PDZRN4: variants seen among roughly 807,000 people sequenced by gnomAD.
PDZRN4 encodes PDZ domain containing ring finger 4.
PDZRN4 carries 70 observed loss-of-function variants against 99.0 expected under a neutral mutation model. The ratio of observed to expected loss-of-function variants is 0.71; its 90% confidence interval spans 0.58 to 0.86. The LOEUF (loss-of-function observed/expected upper bound fraction) is 0.86. Ranked by LOEUF, PDZRN4 falls within the 40% of genes least tolerant of loss-of-function variation. The pLI, the probability that PDZRN4 is intolerant of heterozygous loss-of-function variation, is 0.00. For missense variants in PDZRN4, 1,474 were observed against 1,331.2 expected (o/e 1.11, Z -1.67); for synonymous variants, 551 against 501.6 (o/e 1.10, Z -1.32).
chr12:41,209,558 C>T (rs1261527472), intron 3 of PDZRN4, among the ~76,000 whole-genome samples: 3 of 143,550 alleles, frequency 2.1e-5, no homozygotes, highest in African/African-American at 7.7e-5. Context: ...CATGTGTTCT[C>T]ATTGTTCAAT....
intron 3 of PDZRN4, among the ~76,000 whole-genome samples, chr12:41,287,952 T>C (rs1414401985): frequency 2.6e-5 from 4 of 152,190 alleles, no homozygotes; most frequent in Non-Finnish European, 5.9e-5. Flanking sequence ...ATGCTAGTTG[T>C]GACTTAGGAT....
chr12:41,572,883 T>C lies in PDZRN4; in HGVS notation c.2104T>C (p.Leu702=). 6.2e-7 allele frequency: 1 copy of C among 1,614,078 alleles called. No homozygotes were observed. Among genetic ancestry groups the C allele is most frequent in the Non-Finnish European group, 8.5e-7 (1 of 1,180,004 alleles). The part of the protein sequence containing the change: ...VTDQYGDIWT[L]HDGGFRNYNT... Reference sequence around the variant, plus strand: ...AGACCAGTATGGAGACATCTGGACATTGCATGATGGAGGATTCCGGAATTA... The same window carrying C: ...AGACCAGTATGGAGACATCTGGACACTGCATGATGGAGGATTCCGGAATTA... The change falls in exon 10 of 10, where the codon TTG becomes CTG. Residue 702 remains leucine (L), a synonymous_variant. Coordinates refer to ENST00000402685, the MANE Select transcript of PDZRN4 (RefSeq NM_001164595.2).
chr12:41,323,495 G>A (rs958228394), intron 3 of PDZRN4, among the ~76,000 whole-genome samples: 1 of 152,012 alleles, frequency 6.6e-6, no homozygotes, highest in Admixed American at 6.5e-5. Flanking sequence ...AGCAGAAGAT[G>A]AAAAAGTAAT....
At chr12:41,512,440 T>G (rs1026948476) in intron 5 of PDZRN4, among the ~76,000 whole-genome samples, 2 of 152,026 alleles carry the variant, frequency 1.3e-5, no homozygotes, top group Non-Finnish European at 2.9e-5. Context: ...ATAAGAGATC[T>G]AGCCATGTGA....
chr12:41,282,074 T>A (rs1951389276), intron 3 of PDZRN4, among the ~76,000 whole-genome samples: 1 of 152,150 alleles, frequency 6.6e-6, no homozygotes, highest in African/African-American at 2.4e-5. Context: ...AGGCAAAGAC[T>A]GGCAAATTCG....
intron 3 of PDZRN4, among the ~76,000 whole-genome samples, chr12:41,285,022 T>C (rs1951413247): frequency 6.6e-6 from 1 of 151,966 alleles, no homozygotes; most frequent in Non-Finnish European, 1.5e-5. Context: ...GTAATTAAAC[T>C]AAAGAGCTTC....
intron 5 of PDZRN4, among the ~76,000 whole-genome samples, chr12:41,515,351 G>A (rs954061634): frequency 2.0e-5 from 3 of 151,836 alleles, no homozygotes; most frequent in African/African-American, 4.8e-5. Context: ...CTTTTCTTCC[G>A]CTTGTTAGTC....
chr12:41,418,809 A>C (rs1443376674), intron 3 of PDZRN4, among the ~76,000 whole-genome samples: 2 of 152,164 alleles, frequency 1.3e-5, no homozygotes, highest in African/African-American at 4.8e-5. Flanking sequence ...TGGCTGGAGA[A>C]GAATCGTTGG....
At chr12:41,468,371 T>C (rs1952950297) in intron 3 of PDZRN4, among the ~76,000 whole-genome samples, 1 of 152,210 alleles carries the variant, frequency 6.6e-6, no homozygotes, top group African/African-American at 2.4e-5. Context: ...TAGGAGGGAA[T>C]GTTTTCCCTT....
At chr12:41,415,535 T>G (rs1952437509) in intron 3 of PDZRN4, among the ~76,000 whole-genome samples, 1 of 152,098 alleles carries the variant, frequency 6.6e-6, no homozygotes, top group Non-Finnish European at 1.5e-5. Flanking sequence ...ATATTGACCC[T>G]GTCAAATTTC....
intron 3 of PDZRN4, among the ~76,000 whole-genome samples, chr12:41,441,971 G>A (rs1952684096): frequency 6.6e-6 from 1 of 152,080 alleles, no homozygotes; most frequent in Non-Finnish European, 1.5e-5. Flanking sequence ...GATACCGTAA[G>A]AATTTTCCCT....
chr12:41,217,687 A>G (rs937679374), intron 3 of PDZRN4, among the ~76,000 whole-genome samples: 2 of 151,984 alleles, frequency 1.3e-5, no homozygotes, highest in African/African-American at 4.8e-5. Flanking sequence ...TCTCTTCTCT[A>G]CCACAGCCTC....
At chr12:41,534,444 C>A (rs1002547670) in intron 5 of PDZRN4, among the ~76,000 whole-genome samples, 3 of 152,106 alleles carry the variant, frequency 2.0e-5, no homozygotes, top group Non-Finnish European at 4.4e-5. Flanking sequence ...CCCCCTTCCC[C>A]CTTCCCCTCA....
intron 3 of PDZRN4, among the ~76,000 whole-genome samples, chr12:41,194,694 T>C (rs769693984): frequency 6.6e-6 from 1 of 152,168 alleles, no homozygotes; most frequent in Non-Finnish European, 1.5e-5. Flanking sequence ...TCGTTAGATA[T>C]TGTGATGAAA....
At chr12:41,476,923 G>A (rs761936874) in intron 3 of PDZRN4, among the ~76,000 whole-genome samples, 15 of 152,122 alleles carry the variant, frequency 9.9e-5, no homozygotes, top group Non-Finnish European at 1.5e-4. Flanking sequence ...TCTTCCTCAC[G>A]CTTGCATTTG....
At chr12:41,372,177 T>A (rs1206125017) in intron 3 of PDZRN4, among the ~76,000 whole-genome samples, 1 of 152,182 alleles carries the variant, frequency 6.6e-6, no homozygotes, top group Non-Finnish European at 1.5e-5. Context: ...CTTCAAGTGC[T>A]TCACATTGAG....
intron 3 of PDZRN4, among the ~76,000 whole-genome samples, chr12:41,358,046 G>A (rs1565561298): frequency 6.6e-6 from 1 of 152,010 alleles, no homozygotes; most frequent in South Asian, 2.1e-4. Context: ...AAGTGAGGAA[G>A]TGAGGATGTG....
intron 3 of PDZRN4, among the ~76,000 whole-genome samples, chr12:41,235,285 GT>G (rs1199401908): frequency 6.6e-6 from 1 of 152,014 alleles, no homozygotes; most frequent in Non-Finnish European, 1.5e-5. Flanking sequence ...TTGTGCCATT[GT>G]GTTTCTTTTG....
At chr12:41,250,651 G>A (rs112967120) in intron 3 of PDZRN4, among the ~76,000 whole-genome samples, 3,026 of 152,232 alleles carry the variant, frequency 0.02, 71 homozygotes, top group African/African-American at 0.056. Flanking sequence ...AAGAAGTTTG[G>A]AGGAGCCAAA....
Sources: allele counts gnomAD v4.1 joint callset (sites outside exome capture counted in the v4.1 genomes callset), GRCh38; gene constraint gnomAD v4.1.1; transcripts MANE v1.5; gene names NCBI Gene and HGNC (gene_info 2026-07-23, HGNC 2026-07-21).